Variants in NALCN observed in about 807,000 individuals in gnomAD.
NALCN encodes the protein sodium leak channel, non-selective.
A neutral mutation model predicts 225.3 loss-of-function variants in NALCN; 111 were observed. The observed-to-expected ratio is 0.49, with a 90% confidence interval of 0.42 to 0.58. The LOEUF (loss-of-function observed/expected upper bound fraction) is 0.58, where lower values mean the gene tolerates loss of function less well. Among genes scored for constraint, NALCN ranks in the 20% least tolerant of loss-of-function variants. The pLI is 0.00. For synonymous variants in NALCN, 764 were observed against 769.0 expected, an observed-to-expected ratio of 0.99 and a Z score of 0.11; for missense variants, 1,378 against 2,202.4, an observed-to-expected ratio of 0.63 and a Z score of 7.49.
intron 18 of NALCN, among the ~76,000 whole-genome samples, chr13:101,121,553 C>A (rs1053765769): frequency 2.0e-5 from 3 of 152,062 alleles, no homozygotes; most frequent in Non-Finnish European, 2.9e-5. Context: ...TGGCGAGGAA[C>A]CTCTTGGATA....
At position 101,068,778 on chromosome 13, in the gene NALCN, T is replaced by C; in HGVS notation, c.4247A>G (p.Asp1416Gly). 10 of 1,612,904 alleles carry C rather than the reference T, an allele frequency of 6.2e-6. No homozygotes were observed. The highest frequency in any genetic ancestry group is 8.5e-6 in the Non-Finnish European group (10 of 1,179,538). Residue 1416 changes from aspartate to glycine, a missense_variant, in exon 38 of 44, where the codon GAC becomes GGC. Around this residue, in one of 19 missense-constraint regions of NALCN, gnomAD observed 76 missense variants for 118.7 expected, o/e 0.64. Transcript: ENST00000251127. The part of the protein sequence containing the change: ...TPDEFTYWAT[D>G]CGNYAGALMY... ...AAGTGCCCCAGCATAATTTCCACAG[T>C]CTGTTGCCCAGTATGTAAATTCATC...
intron 12 of NALCN, among the ~76,000 whole-genome samples, chr13:101,234,161 C>T (rs1182635623): frequency 6.6e-6 from 1 of 152,230 alleles, no homozygotes. Flanking sequence ...TTCCTTAAGA[C>T]ATTTCCAGTA....
At chr13:101,245,925 C>A (rs2041882008) in intron 11 of NALCN, among the ~76,000 whole-genome samples, 3 of 152,142 alleles carry the variant, frequency 2.0e-5, no homozygotes, top group African/African-American at 7.2e-5. Context: ...TTGCGGGCAA[C>A]CACTTCATTT....
At chr13:101,066,952 G>A (rs1285481391) in intron 39 of NALCN, among the ~76,000 whole-genome samples, 4 of 152,012 alleles carry the variant, frequency 2.6e-5, no homozygotes, top group Admixed American at 2.0e-4. Context: ...TCCTGCCGGC[G>A]CAGCCCCAAC....
intron 9 of NALCN, 139 bp from the exon 10 acceptor site, chr13:101,284,158 A>G (rs985994398): frequency 2.3e-5 from 15 of 650,180 alleles, no homozygotes; most frequent in Non-Finnish European, 3.6e-5. Flanking sequence ...AGTCATTTCA[A>G]TTATAGTTCT....
intron 6 of NALCN, among the ~76,000 whole-genome samples, chr13:101,359,381 G>A (rs373620115): frequency 6.6e-6 from 1 of 151,480 alleles, no homozygotes; most frequent in African/African-American, 2.4e-5. Flanking sequence ...TGAAAGATAC[G>A]TGTATCTTGA....
At chr13:101,122,009 G>A (rs2139689230) in intron 18 of NALCN, among the ~76,000 whole-genome samples, 1 of 136,012 alleles carries the variant, frequency 7.4e-6, no homozygotes, top group African/African-American at 2.7e-5. Context: ...CCTTTTAGCT[G>A]TTATTGTTCC....
chr13:101,115,395 C>G lies in NALCN; in HGVS notation c.2193-4169G>C, dbSNP rs143375231. 4.6e-3 allele frequency among the ~76,000 whole-genome samples: 699 copies of G among 152,258 alleles called. 3 individuals carry two copies. Among genetic ancestry groups the G allele is most frequent in the African/African-American group, 0.015 (628 of 41,550 alleles). ...GTAGCAGGTGAACTTAGTTCAATTTCTTTAACTGGAGATCAGATCTGTTGC... is the reference window on the plus strand; with the variant it reads ...GTAGCAGGTGAACTTAGTTCAATTTGTTTAACTGGAGATCAGATCTGTTGC... On this transcript the variant is annotated intron_variant, in intron 18 of 43. Transcript: ENST00000251127.
chr13:101,086,879 T>C (rs964955784), intron 30 of NALCN, among the ~76,000 whole-genome samples: 1 of 152,130 alleles, frequency 6.6e-6, no homozygotes, highest in African/African-American at 2.4e-5. Context: ...TGTTCTTTTC[T>C]GATAATCACA....
chr13:101,325,589 C>T (rs1319934402), intron 7 of NALCN, among the ~76,000 whole-genome samples: 1 of 152,176 alleles, frequency 6.6e-6, no homozygotes, highest in Non-Finnish European at 1.5e-5. Context: ...GCAAAATGTG[C>T]TTTTCCTCAG....
rs1241452703 is a variant in NALCN at position 101,060,472 on chromosome 13, T to C, written c.4756-505A>G. 2.5e-5 allele frequency among the ~76,000 whole-genome samples: 3 copies of C among 118,456 alleles called. No homozygotes were observed. The South Asian group carries it at 8.9e-4, about 35-fold the overall frequency. The allele number at this position is 118,456 out of a possible 152,430, so 77.7% of individuals were successfully genotyped here. On this transcript the variant is annotated intron_variant, in intron 41 of 43. Coordinates refer to ENST00000251127, the MANE Select transcript of NALCN (RefSeq NM_052867.4). ...TAATTTTTTTTTTTTTTTTTTTTTT[T>C]CAGAGAGGAGGTCTCACTCTGTTGC...
intron 15 of NALCN, among the ~76,000 whole-genome samples, chr13:101,155,888 G>A (rs541043043): frequency 6.6e-6 from 1 of 152,258 alleles, no homozygotes; most frequent in South Asian, 2.1e-4. Context: ...TACAACAATA[G>A]TTTCCTAATG....
intron 3 of NALCN, among the ~76,000 whole-genome samples, chr13:101,384,479 T>C (rs920014097): frequency 1.3e-5 from 2 of 152,110 alleles, no homozygotes; most frequent in Admixed American, 6.5e-5. Context: ...TAGGGATATA[T>C]TTTGCAGTGA....
chr13:101,318,809 T>C (rs545451863), intron 7 of NALCN, among the ~76,000 whole-genome samples: 64 of 152,340 alleles, frequency 4.2e-4, no homozygotes, highest in Admixed American at 3.4e-3. Flanking sequence ...TTAAGCATGA[T>C]GTATTTTTAG....
chr13:101,375,032 T>C (rs1380497709), intron 6 of NALCN, among the ~76,000 whole-genome samples: 5 of 152,206 alleles, frequency 3.3e-5, no homozygotes. Context: ...TAAAATAACA[T>C]AGCCATGAGT....
At chr13:101,393,420 A>T (rs2047199023) in intron 3 of NALCN, among the ~76,000 whole-genome samples, 1 of 152,214 alleles carries the variant, frequency 6.6e-6, no homozygotes. Flanking sequence ...ACCATCTGGA[A>T]GCAATCAGCC....
rs117938409 is a variant in NALCN at position 101,069,697 on chromosome 13, T to C, written c.4198-870A>G. ...CTTCTTTCGAATTTGGAGTCAACCC[T>C]CTCAAACCCTGCTGCTGGTTTATCG... On this transcript the variant is annotated intron_variant, in intron 37 of 43. Transcript: ENST00000251127. Among the ~76,000 whole-genome samples, 1,017 of 152,342 alleles carry C rather than the reference T, an allele frequency of 6.7e-3. 7 individuals carry two copies. The Middle Eastern group carries it at 0.082, about 12-fold the overall frequency.
intron 30 of NALCN, among the ~76,000 whole-genome samples, chr13:101,087,020 T>C (rs1484572229): frequency 6.6e-6 from 1 of 152,136 alleles, no homozygotes; most frequent in Non-Finnish European, 1.5e-5. Context: ...TCTAAAAGAA[T>C]AATAGGCATG....
chr13:101,356,633 AAACT>A (rs2046069778), intron 6 of NALCN, among the ~76,000 whole-genome samples: 1 of 152,212 alleles, frequency 6.6e-6, no homozygotes, highest in Admixed American at 6.5e-5. Context: ...ATTCCTTCTG[AAACT>A]ATTCCAAAAG....
Sources: allele counts gnomAD v4.1 joint callset (sites outside exome capture counted in the v4.1 genomes callset), GRCh38; gene constraint gnomAD v4.1.1; regional missense constraint gnomAD v4.1.1; transcripts MANE v1.5; gene names NCBI Gene and HGNC (gene_info 2026-07-23, HGNC 2026-07-21).